The following INO80D variants were observed in gnomAD, a reference collection of about 807,000 sequenced individuals.
INO80D encodes INO80 complex subunit D.
A neutral mutation model predicts 87.6 loss-of-function variants in INO80D; 21 were observed. The observed-to-expected ratio is 0.24, with a 90% CI of 0.17 to 0.35. INO80D has a LOEUF of 0.35. Among genes scored for constraint, INO80D ranks in the 10% least tolerant of loss-of-function variants. The pLI, the probability that INO80D is intolerant of heterozygous loss-of-function variation, is 1.00. For missense variants in INO80D, 982 were observed against 1,280.7 expected (o/e 0.77, Z 3.56); for synonymous variants, 440 against 491.0 (o/e 0.90, Z 1.37).
At chr2:206,061,066 T>C (rs192689274) in intron 3 of INO80D, among the ~76,000 whole-genome samples, 3 of 152,052 alleles carry the variant, frequency 2.0e-5, no homozygotes, top group East Asian at 3.9e-4. Context: ...CAAGCTGGAG[T>C]ATAGTGGCAC....
chr2:206,053,437 T>C (rs1367546596), intron 4 of INO80D, among the ~76,000 whole-genome samples: 1 of 152,190 alleles, frequency 6.6e-6, no homozygotes, highest in Non-Finnish European at 1.5e-5. Flanking sequence ...TATTAACAAA[T>C]GGGTATTAAT....
chr2:206,013,570 G>A (rs890127931), intron 8 of INO80D, among the ~76,000 whole-genome samples: 1 of 147,556 alleles, frequency 6.8e-6, no homozygotes, highest in Non-Finnish European at 1.5e-5. Flanking sequence ...AAAAAAAATT[G>A]TTATAGGAAC....
chr2:206,080,666 G>A (rs1211724050), intron 1 of INO80D, among the ~76,000 whole-genome samples: 4 of 151,992 alleles, frequency 2.6e-5, no homozygotes, highest in African/African-American at 9.7e-5. Context: ...CCAGCACTTT[G>A]GGAGGCCAAG....
intron 1 of INO80D, among the ~76,000 whole-genome samples, chr2:206,072,786 A>AT (rs541806467): frequency 9.3e-4 from 141 of 152,110 alleles, no homozygotes; most frequent in African/African-American, 3.1e-3. Context: ...TTATTATAGA[A>AT]TTTTTTTACA....
chr2:206,031,857 C>T (rs1293433663), intron 5 of INO80D, among the ~76,000 whole-genome samples: 2 of 152,194 alleles, frequency 1.3e-5, no homozygotes, highest in Admixed American at 6.5e-5. Context: ...CTCCAAATAC[C>T]GTGAGTGCCC....
chr2:206,019,640 GT>G (rs1688407196), intron 7 of INO80D, 95 bp downstream of exon 7: 31 of 788,868 alleles, frequency 3.9e-5, no homozygotes, highest in Non-Finnish European at 6.2e-5. Context: ...AACAGTTATG[GT>G]TTCAAAAGTC....
intron 1 of INO80D, among the ~76,000 whole-genome samples, chr2:206,073,986 G>C (rs905017504): frequency 6.6e-6 from 1 of 152,026 alleles, no homozygotes; most frequent in African/African-American, 2.4e-5. Flanking sequence ...TGGGATTACA[G>C]GCGTGAACCA....
At chr2:206,052,661 G>A (rs34001994) in intron 4 of INO80D, among the ~76,000 whole-genome samples, 2,948 of 152,098 alleles carry the variant, frequency 0.019, 90 homozygotes, top group African/African-American at 0.067. Context: ...TTGTGGTAGT[G>A]TGTGCCTATG....
At chr2:206,022,664 C>G (rs971098967) in intron 6 of INO80D, among the ~76,000 whole-genome samples, 2 of 152,054 alleles carry the variant, frequency 1.3e-5, no homozygotes. Context: ...TCAATAAATA[C>G]GACAAAGTTA....
At position 205,994,873 on chromosome 2, in the gene INO80D, G is replaced by A. The variant is rs1256999769; in HGVS notation, c.*9495C>T. Reference sequence around the variant, plus strand: ...TTCAAGCACATGCAACTTGGAACTCGCAAAAAAAAAAAAAAAAGAAAGAAA... The same window carrying A: ...TTCAAGCACATGCAACTTGGAACTCACAAAAAAAAAAAAAAAAGAAAGAAA... On this transcript the variant is annotated 3_prime_UTR_variant, in exon 11 of 11. Coordinates refer to ENST00000403263, the MANE Select transcript of INO80D (RefSeq NM_017759.5). 2 of 107,228 alleles carry A rather than the reference G, an allele frequency of 1.9e-5. No individual in the cohort carries two copies. The highest frequency in any genetic ancestry group is 1.2e-4 in the Admixed American group (1 of 8,666). 6.6% of individuals were successfully genotyped at this position (107,228 alleles called of 1,614,324 possible). A position where few individuals can be genotyped will look rare whatever the true frequency, so the allele number is the denominator to read the frequency against.
At chr2:206,068,260 G>A (rs1486137061) in intron 1 of INO80D, among the ~76,000 whole-genome samples, 2 of 151,986 alleles carry the variant, frequency 1.3e-5, no homozygotes, top group African/African-American at 2.4e-5. Flanking sequence ...CACCATATCT[G>A]GCTAATTTTT....
chr2:206,069,229 T>C (rs1410714350), intron 1 of INO80D, among the ~76,000 whole-genome samples: 1 of 152,162 alleles, frequency 6.6e-6, no homozygotes, highest in African/African-American at 2.4e-5. Flanking sequence ...CCCTTCTCTT[T>C]TTCCTCCATC....
chr2:206,059,825 C>T (rs1434957412), intron 3 of INO80D, among the ~76,000 whole-genome samples: 1 of 152,136 alleles, frequency 6.6e-6, no homozygotes, highest in Non-Finnish European at 1.5e-5. Context: ...AACAGATTCA[C>T]AAAGCAATGG....
At chr2:206,073,735 G>C (rs539363976) in intron 1 of INO80D, among the ~76,000 whole-genome samples, 11 of 152,008 alleles carry the variant, frequency 7.2e-5, no homozygotes, top group Non-Finnish European at 1.5e-5. Flanking sequence ...GGCTGGTCTC[G>C]AACCTCTAGG....
intron 5 of INO80D, among the ~76,000 whole-genome samples, chr2:206,040,249 G>C (rs1192572502): frequency 7.4e-6 from 1 of 135,468 alleles, no homozygotes; most frequent in East Asian, 2.2e-4. Flanking sequence ...TCTCACCACT[G>C]CACTCCAGCC....
intron 9 of INO80D, among the ~76,000 whole-genome samples, chr2:206,008,991 A>G (rs575808972): frequency 6.6e-5 from 10 of 152,356 alleles, no homozygotes; most frequent in African/African-American, 1.2e-4. Flanking sequence ...CTGTTGGAAC[A>G]TATATGGAAT....
Position 206,000,503 on chromosome 2 carries a change from T to C in INO80D, c.*3865A>G, listed in dbSNP as rs1053054974. ...CCCACTTTATAAAAACAGAATGGTA[T>C]AGGTCAACAGAAAGGTCAATTCTTT... On this transcript the variant is annotated 3_prime_UTR_variant, in exon 11 of 11. Coordinates refer to ENST00000403263, the MANE Select transcript of INO80D (RefSeq NM_017759.5). The C allele has an allele frequency of 6.6e-6, 1 of 151,348 alleles. No homozygotes were observed. The highest frequency in any genetic ancestry group is 6.6e-5 in the Admixed American group (1 of 15,086). The allele number at this position is 151,348 out of a possible 1,614,324, so 9.4% of individuals were successfully genotyped here.
intron 6 of INO80D, among the ~76,000 whole-genome samples, chr2:206,023,328 TCAAATAGAGGGCAGCATG>T (rs1172909521): frequency 6.6e-6 from 1 of 152,010 alleles, no homozygotes; most frequent in African/African-American, 2.4e-5. Context: ...ACCGAAAATA[TCAAATAGAGGGCAGCATG>T]CAACTAAAAG....
intron 4 of INO80D, 39 bp from the exon 5 acceptor site, chr2:206,046,651 T>C (rs760842207): frequency 7.5e-7 from 1 of 1,339,562 alleles, no homozygotes; most frequent in African/African-American, 1.4e-5. Flanking sequence ...AGAAAAAGTT[T>C]ACTTTTATTC....
Sources: allele counts gnomAD v4.1 joint callset (sites outside exome capture counted in the v4.1 genomes callset), GRCh38; gene constraint gnomAD v4.1.1; transcripts MANE v1.5; gene names NCBI Gene and HGNC (gene_info 2026-07-23, HGNC 2026-07-21).